The following PTPRF variants were observed in gnomAD, a reference collection of about 807,000 sequenced individuals.
PTPRF encodes the protein protein tyrosine phosphatase receptor type F, also known as receptor-type tyrosine-protein phosphatase F.
A neutral mutation model predicts 201.8 loss-of-function variants in PTPRF; 59 were observed. The ratio of observed to expected loss-of-function variants is 0.29; its 90% CI spans 0.24 to 0.36. PTPRF has a LOEUF of 0.36. Ranked by LOEUF, PTPRF falls within the 10% of genes least tolerant of loss-of-function variation. The pLI, the probability that PTPRF is intolerant of heterozygous loss-of-function variation, is 1.00. For missense variants in PTPRF, 2,132 were observed against 2,690.5 expected, an observed-to-expected ratio of 0.79 and a Z score of 4.59; for synonymous variants, 1,088 against 1,089.7, an observed-to-expected ratio of 1.00 and a Z score of 0.03.
rs140315523 is a variant in PTPRF at position 43,606,289 on chromosome 1, G to A, written c.3533G>A (p.Arg1178Gln). ...QGGEEQRRRR[R>Q]QAERLKPYVA... ...GGAGAGGAGCAGCGGCGGCGGCGGC[G>A]GCAGGCAGAACGTCTGAAGCCATAT... The change falls in exon 20 of 34, where the codon CGG (arginine) becomes CAG (glutamine). Residue 1178 changes from arginine to glutamine, a missense_variant. Physicochemically the swap from Arg to Gln is conservative, Grantham distance 43. This residue lies in a region of PTPRF where 818 missense variants were observed against 915.3 expected (regional missense o/e 0.89). Coordinates refer to ENST00000359947, the MANE Select transcript of PTPRF (RefSeq NM_002840.5). The A allele has an allele frequency of 2.6e-5, 42 of 1,613,828 alleles. No individual in the cohort carries two copies. Among genetic ancestry groups the A allele is most frequent in the East Asian group, 1.3e-4 (6 of 44,890 alleles).
Position 43,563,521 on chromosome 1 carries a change from C to T in PTPRF, c.380-6069C>T, listed in dbSNP as rs572763882. Among the ~76,000 whole-genome samples, 7 of 152,216 alleles carry T rather than the reference C, an allele frequency of 4.6e-5. 1 individual carries two copies. Among genetic ancestry groups the T allele is most frequent in the African/African-American group, 1.2e-4 (5 of 41,518 alleles). ...CCAGGACAGAAGGAGCCCCAGGAAC[C>T]GACTCTCCATGTTGGGAGGAGGTTC... On this transcript the variant is annotated intron_variant, in intron 5 of 33. Coordinates refer to ENST00000359947, the MANE Select transcript of PTPRF (RefSeq NM_002840.5).
At chr1:43,578,685 G>A (rs1396280726) in intron 6 of PTPRF, 125 bp from the exon 7 acceptor site, 4 of 701,162 alleles carry the variant, frequency 5.7e-6, no homozygotes, top group Non-Finnish European at 9.9e-6. Context: ...GGGTGCCAGG[G>A]TGTGGCCTGG....
intron 1 of PTPRF, among the ~76,000 whole-genome samples, chr1:43,533,873 A>G (rs770097390): frequency 2.6e-5 from 4 of 152,176 alleles, no homozygotes; most frequent in Non-Finnish European, 5.9e-5. Context: ...ACCCCGGGGT[A>G]GGCGCTTTCG....
chr1:43,604,168 C>T lies in PTPRF; in HGVS notation c.3016C>T (p.Arg1006Trp), dbSNP rs764041935. The part of the protein sequence containing the change: ...SGPLSPSIQS[R>W]TMPVEQVFAK... ...CCCACTCAGCCCCAGCATCCAGTCC[C>T]GGACCATGCCGGTGGAGCAAGGTGT... Residue 1006 changes from arginine (R) to tryptophan (W), a missense_variant, in exon 16 of 34, where the codon CGG becomes TGG. Arg to Trp is a moderately radical substitution (Grantham distance 101). Around this residue, in one of 6 missense-constraint regions of PTPRF, gnomAD observed 818 missense variants for 915.3 expected, o/e 0.89. Transcript: ENST00000359947. 4.3e-6 allele frequency: 7 copies of T among 1,613,962 alleles called. No individual in the cohort carries two copies. Among genetic ancestry groups the T allele is most frequent in the East Asian group, 2.2e-5 (1 of 44,892 alleles).
chr1:43,598,337 A>G, intron 12 of PTPRF: 1 of 469,248 alleles, frequency 2.1e-6, no homozygotes, highest in Non-Finnish European at 3.7e-6. Context: ...GGTGTAAAAG[A>G]TACTCAAAGT....
At chr1:43,552,125 A>T (rs1569762812) in intron 3 of PTPRF, among the ~76,000 whole-genome samples, 2 of 145,238 alleles carry the variant, frequency 1.4e-5, no homozygotes, top group Non-Finnish European at 3.0e-5. Flanking sequence ...GAAAAAAAAA[A>T]TTCACAAACC....
intron 2 of PTPRF, among the ~76,000 whole-genome samples, chr1:43,544,493 C>T (rs892917358): frequency 5.3e-5 from 8 of 152,178 alleles, no homozygotes; most frequent in African/African-American, 9.7e-5. Flanking sequence ...TCAGCGTGCT[C>T]GTGGAGTCTG....
rs547046529 is a variant in PTPRF, at chr1:43,553,949, C to T, written c.379+8C>T. 1.2e-6 allele frequency: 2 copies of T among 1,613,378 alleles called. No individual in the cohort carries two copies. Among genetic ancestry groups the T allele is most frequent in the African/African-American group, 2.7e-5 (2 of 75,036 alleles). On this transcript the variant is annotated splice_region_variant and intron_variant, in intron 5 of 33. Coordinates refer to ENST00000359947, the MANE Select transcript of PTPRF (RefSeq NM_002840.5). The surrounding 1 kb of genome is among the most constrained non-coding windows in gnomAD (Gnocchi z 4.1). ...AGCTCTCAGTGCTCGAAGGTACGTG[C>T]TAGGGAGACGTGGCACGGTGGGCTG...
intron 13 of PTPRF, among the ~76,000 whole-genome samples, chr1:43,600,234 A>G (rs1348922389): frequency 6.6e-6 from 1 of 152,078 alleles, no homozygotes; most frequent in Admixed American, 6.5e-5. Context: ...CATCCCAGGA[A>G]TGGGTTCCCC....
Position 43,545,043 on chromosome 1 carries a change from GGGCTGT to G in PTPRF, c.-27_-22del. 1 of 1,538,236 alleles carries G rather than the reference GGGCTGT, an allele frequency of 6.5e-7. No homozygotes were observed. Among genetic ancestry groups the G allele is most frequent in the East Asian group, 2.4e-5 (1 of 41,232 alleles). ...CTCTCCATTACAGGTTGATTGTCCT[GGGCTGT>G]GGCTGGCTGTGGAGCTAGAGCCCTG... On this transcript the variant is annotated 5_prime_UTR_variant, in exon 3 of 34. Transcript: ENST00000359947.
chr1:43,558,351 C>T (rs1645536292), intron 5 of PTPRF, among the ~76,000 whole-genome samples: 1 of 152,154 alleles, frequency 6.6e-6, no homozygotes, highest in South Asian at 2.1e-4. Flanking sequence ...GGCCCAACTG[C>T]TGTGGCTCCA....
At chr1:43,552,668 A>G (rs1218401766) in intron 3 of PTPRF, among the ~76,000 whole-genome samples, 2 of 152,204 alleles carry the variant, frequency 1.3e-5, no homozygotes, top group African/African-American at 4.8e-5. Flanking sequence ...AGATTGTAGC[A>G]AATGGGTTGG....
At chr1:43,539,842 A>G (rs959967272) in intron 2 of PTPRF, among the ~76,000 whole-genome samples, 2 of 152,128 alleles carry the variant, frequency 1.3e-5, no homozygotes, top group African/African-American at 2.4e-5. Context: ...GGGGTGTGCT[A>G]TAGGACCTGA....
upstream of PTPRF, among the ~76,000 whole-genome samples, chr1:43,529,577 C>G (rs1232121922): frequency 6.6e-6 from 1 of 152,020 alleles, no homozygotes; most frequent in Admixed American, 6.5e-5. Context: ...TTACCTGACC[C>G]AGGGCAGTGG....
At chr1:43,548,923 C>A (rs771549995) in intron 3 of PTPRF, among the ~76,000 whole-genome samples, 1 of 152,214 alleles carries the variant, frequency 6.6e-6, no homozygotes, top group East Asian at 1.9e-4. Flanking sequence ...GTTTGACTCT[C>A]CCTGGGGCTG....
At chr1:43,578,001 G>A (rs1031244086) in intron 6 of PTPRF, among the ~76,000 whole-genome samples, 1 of 152,234 alleles carries the variant, frequency 6.6e-6, no homozygotes, top group African/African-American at 2.4e-5. Context: ...GGCCTCCCCC[G>A]CCAGGACCTG....
In PTPRF at chr1:43,542,180, G is replaced by A. The variant is rs1475027863; in HGVS notation, c.-45-2851G>A. 6.6e-5 allele frequency among the ~76,000 whole-genome samples: 10 copies of A among 152,288 alleles called. No homozygotes were observed. Among genetic ancestry groups the A allele is most frequent in the Non-Finnish European group, 1.5e-5 (1 of 68,020 alleles). On this transcript the variant is annotated intron_variant, in intron 2 of 33. Coordinates refer to ENST00000359947, the MANE Select transcript of PTPRF (RefSeq NM_002840.5). This position sits in a 1 kb window ranked among gnomAD's most constrained non-coding sequence, Gnocchi z 5.2. Reference sequence around the variant, plus strand: ...GCTCTGCTCTGATGAGGGAGGCCCTGGAGCTGGGAGTGGCCTGAACCGCCT... The same window carrying A: ...GCTCTGCTCTGATGAGGGAGGCCCTAGAGCTGGGAGTGGCCTGAACCGCCT...
intron 13 of PTPRF, among the ~76,000 whole-genome samples, chr1:43,601,611 T>C (rs1653759234): frequency 6.6e-6 from 1 of 152,184 alleles, no homozygotes; most frequent in Non-Finnish European, 1.5e-5. Flanking sequence ...GAATAGTCAA[T>C]TCCATGGCAA....
chr1:43,617,982 T>C, intron 25 of PTPRF, 71 bp downstream of exon 25: 1 of 1,469,084 alleles, frequency 6.8e-7, no homozygotes. Flanking sequence ...GGGCACCTTC[T>C]TCTGTGCCGC....
Sources: gnomAD v4.1 joint callset for allele counts (sites outside exome capture counted in the v4.1 genomes callset) on GRCh38, gnomAD v4.1.1 for gene constraint, gnomAD v4.1.1 regional missense constraint, Gnocchi (gnomAD v3.1) non-coding constraint, MANE v1.5 for transcripts, NCBI Gene and HGNC (gene_info 2026-07-23, HGNC 2026-07-21) for gene names.